The following FGF12 variants were observed in gnomAD, a reference collection of about 807,000 sequenced individuals.
FGF12 encodes fibroblast growth factor 12B.
Under a neutral mutation model 23.6 loss-of-function variants are expected in FGF12, and 14 were observed. The ratio of observed to expected loss-of-function variants is 0.59; its 90% CI spans 0.39 to 0.93. FGF12 has a LOEUF of 0.93. FGF12 is among the 40% of genes least tolerant of loss of function. The probability of loss-of-function intolerance (pLI) is 0.00; values close to 1 mark genes in which losing one functional copy is unlikely to be tolerated. For missense variants in FGF12, 175 were observed against 217.8 expected (o/e 0.80, Z 1.24); for synonymous variants, 62 against 77.3 (o/e 0.80, Z 1.04).
chr3:192,588,141 C>T (rs1048896695), intron 2 of FGF12, among the ~76,000 whole-genome samples: 28 of 150,942 alleles, frequency 1.9e-4, no homozygotes, highest in Admixed American at 7.3e-4. Flanking sequence ...GTCAGGAGAC[C>T]GAGACCATCC....
At chr3:192,205,136 G>GA (rs962570772) in intron 4 of FGF12, among the ~76,000 whole-genome samples, 20 of 150,736 alleles carry the variant, frequency 1.3e-4, no homozygotes, top group Non-Finnish European at 2.1e-4. Flanking sequence ...ACAGCCATTA[G>GA]AAAAAAAAAG....
At chr3:192,277,320 G>A (rs750829236) in intron 4 of FGF12, among the ~76,000 whole-genome samples, 8 of 151,464 alleles carry the variant, frequency 5.3e-5, no homozygotes, top group African/African-American at 9.8e-5. Flanking sequence ...GGTAAGAGGA[G>A]CCAAATTTGA....
At chr3:192,623,253 G>T (rs2108649428) in intron 2 of FGF12, among the ~76,000 whole-genome samples, 1 of 152,216 alleles carries the variant, frequency 6.6e-6, no homozygotes, top group South Asian at 2.1e-4. Context: ...CACAGAGGGG[G>T]GTATCATCTT....
intron 4 of FGF12, chr3:192,267,081 T>C (rs1039181586): frequency 5.3e-5 from 8 of 152,130 alleles, no homozygotes; most frequent in Admixed American, 1.3e-4. Flanking sequence ...ATCTAAAAGA[T>C]TGCTTTCTAA....
rs769005055 is a variant in FGF12 at position 192,406,244 on chromosome 3, C to T, written c.14-45706G>A. On this transcript the variant is annotated intron_variant, in intron 2 of 5. Transcript: ENST00000445105. ...AACCCATTGATCATCTCCAAGTCAA[C>T]TCCAGAGATCAGGATCAGTTTATGT... Among the ~76,000 whole-genome samples the T allele has an allele frequency of 3.8e-4, 58 of 151,928 alleles. No homozygotes were observed. The Middle Eastern group carries it at 0.01, about 27-fold the overall frequency.
At chr3:192,504,418 C>A (rs187404752) in intron 2 of FGF12, among the ~76,000 whole-genome samples, 3 of 152,224 alleles carry the variant, frequency 2.0e-5, no homozygotes, top group Non-Finnish European at 4.4e-5. Context: ...TTTGCTCTCT[C>A]ACTTTCCACA....
chr3:192,634,495 TC>T (rs1715508850), intron 2 of FGF12, among the ~76,000 whole-genome samples: 1 of 152,156 alleles, frequency 6.6e-6, no homozygotes, highest in Non-Finnish European at 1.5e-5. Context: ...GACTTGCGCA[TC>T]CATGGATTTT....
intron 3 of FGF12, among the ~76,000 whole-genome samples, chr3:192,350,846 G>A (rs12485393): frequency 0.33 from 50,765 of 152,060 alleles, 8,544 homozygotes; most frequent in Admixed American, 0.39. Flanking sequence ...AGTTTATTTC[G>A]TTTTATCTTT....
intron 3 of FGF12, among the ~76,000 whole-genome samples, chr3:192,349,217 CA>C (rs1292020131): frequency 6.6e-6 from 1 of 152,016 alleles, no homozygotes; most frequent in Non-Finnish European, 1.5e-5. Flanking sequence ...TACAACCTTG[CA>C]ATCAGTAACT....
chr3:192,452,176 ATATTTCTCAGTTGC>A (rs1420164845), intron 2 of FGF12, among the ~76,000 whole-genome samples: 1 of 152,120 alleles, frequency 6.6e-6, no homozygotes, highest in African/African-American at 2.4e-5. Flanking sequence ...AAAGATCCTT[ATATTTCTCAGTTGC>A]TAGGAGATTT....
intron 4 of FGF12, among the ~76,000 whole-genome samples, chr3:192,319,359 G>A (rs1716407524): frequency 6.6e-6 from 1 of 152,124 alleles, no homozygotes; most frequent in South Asian, 2.1e-4. Context: ...CACTTTGGGA[G>A]GCCAAGGCAG....
chr3:192,654,723 CCA>C (rs1465780149), intron 2 of FGF12, among the ~76,000 whole-genome samples: 2 of 152,202 alleles, frequency 1.3e-5, no homozygotes, highest in Non-Finnish European at 2.9e-5. Flanking sequence ...TTTCCCCACA[CCA>C]CCCTGCATCA....
rs542217639 is a variant in FGF12, at chr3:192,711,271, C to T, written c.13+15910G>A. 1.8e-3 allele frequency among the ~76,000 whole-genome samples: 241 copies of T among 130,552 alleles called. 1 individual carries two copies. The highest frequency in any genetic ancestry group is 7.6e-3 in the African/African-American group (222 of 29,180). 85.6% of individuals were successfully genotyped at this position (130,552 alleles called of 152,430 possible). A position where few individuals can be genotyped will look rare whatever the true frequency, so the allele number is the denominator to read the frequency against. On this transcript the variant is annotated intron_variant, in intron 2 of 5. Transcript: ENST00000445105. The stretch of plus-strand genomic sequence containing the variant: ...CCAGCCCCTGCCCGGCCAGCCGCCC[C>T]GTCCGGGAGGGAGGTGGGGGGCAGC...
chr3:192,240,711 C>G (rs1268615752), intron 4 of FGF12, among the ~76,000 whole-genome samples: 2 of 151,714 alleles, frequency 1.3e-5, no homozygotes, highest in East Asian at 3.9e-4. Flanking sequence ...CTATAAATAT[C>G]TTGGTCTGAT....
At chr3:192,206,960 G>A (rs1717682279) in intron 4 of FGF12, among the ~76,000 whole-genome samples, 1 of 152,118 alleles carries the variant, frequency 6.6e-6, no homozygotes, top group South Asian at 2.1e-4. Flanking sequence ...GAGTTAGGCA[G>A]AACATAATTT....
chr3:192,591,591 G>A (rs150361881), intron 2 of FGF12, among the ~76,000 whole-genome samples: 1 of 151,912 alleles, frequency 6.6e-6, no homozygotes, highest in African/African-American at 2.4e-5. Context: ...CCCTACAGTG[G>A]GCTCAGGCTG....
chr3:192,428,134 C>T (rs190401724), intron 2 of FGF12, among the ~76,000 whole-genome samples: 149 of 152,292 alleles, frequency 9.8e-4, no homozygotes, highest in Admixed American at 3.7e-3. Flanking sequence ...GATCCCCCTC[C>T]GCCACCCAAG....
intron 4 of FGF12, among the ~76,000 whole-genome samples, chr3:192,332,046 T>A (rs192518925): frequency 1.3e-4 from 20 of 152,228 alleles, no homozygotes; most frequent in African/African-American, 4.8e-4. Flanking sequence ...AAATTTGATA[T>A]ACACACACAA....
chr3:192,513,256 A>G (rs542384342), intron 2 of FGF12, among the ~76,000 whole-genome samples: 7 of 152,274 alleles, frequency 4.6e-5, no homozygotes, highest in Non-Finnish European at 7.4e-5. Flanking sequence ...CGAAACTTTA[A>G]CATAAAGCCA....
Sources: allele counts gnomAD v4.1 joint callset (sites outside exome capture counted in the v4.1 genomes callset), GRCh38; gene constraint gnomAD v4.1.1; transcripts MANE v1.5; gene names NCBI Gene and HGNC (gene_info 2026-07-23, HGNC 2026-07-21).